The following PTPRG variants were observed in gnomAD, a reference collection of about 807,000 sequenced individuals.
The protein encoded by PTPRG is receptor-type tyrosine-protein phosphatase gamma.
Under a neutral mutation model 165.3 loss-of-function variants are expected in PTPRG, and 102 were observed. The ratio of observed to expected loss-of-function variants is 0.62; its 90% CI spans 0.53 to 0.73. The LOEUF is 0.73. Ranked by LOEUF, PTPRG falls within the 30% of genes least tolerant of loss-of-function variation. The probability of loss-of-function intolerance (pLI) is 0.00; values close to 1 mark genes in which losing one functional copy is unlikely to be tolerated. For missense variants in PTPRG, 1,866 were observed against 1,861.4 expected, an observed-to-expected ratio of 1.00 and a Z score of -0.05; for synonymous variants, 675 against 669.5, an observed-to-expected ratio of 1.01 and a Z score of -0.13.
At chr3:61,691,313 A>G (rs1266281478) in intron 1 of PTPRG, among the ~76,000 whole-genome samples, 1 of 152,166 alleles carries the variant, frequency 6.6e-6, no homozygotes, top group Non-Finnish European at 1.5e-5. Flanking sequence ...AGGCTGATAC[A>G]AGAGGATCGC....
At chr3:61,986,115 CAATCATCATATTTAATATGATTG>C (rs1208901751) in intron 2 of PTPRG, among the ~76,000 whole-genome samples, 1 of 151,812 alleles carries the variant, frequency 6.6e-6, no homozygotes, top group Non-Finnish European at 1.5e-5. Flanking sequence ...TTTAATACGA[CAATCATCATATTTAATATGATTG>C]AATCATCATA....
At chr3:61,805,699 C>G (rs1003123862) in intron 2 of PTPRG, among the ~76,000 whole-genome samples, 6 of 152,142 alleles carry the variant, frequency 3.9e-5, no homozygotes, top group African/African-American at 1.4e-4. Context: ...AGCCACCCCA[C>G]TGGGATGTAT....
chr3:61,577,678 C>T (rs755488791), intron 1 of PTPRG, among the ~76,000 whole-genome samples: 4 of 152,108 alleles, frequency 2.6e-5, no homozygotes, highest in African/African-American at 9.7e-5. Context: ...ATTTGTAGCT[C>T]GCATTGTATT....
chr3:62,242,709 G>C (rs1160397878), intron 14 of PTPRG, among the ~76,000 whole-genome samples: 1 of 152,172 alleles, frequency 6.6e-6, no homozygotes, highest in Non-Finnish European at 1.5e-5. Flanking sequence ...CATAGAAACA[G>C]GGTATGCCCA....
At chr3:62,155,350 T>C (rs1268326179) in intron 6 of PTPRG, among the ~76,000 whole-genome samples, 1 of 152,146 alleles carries the variant, frequency 6.6e-6, no homozygotes, top group East Asian at 1.9e-4. Flanking sequence ...ATCTGTAAAA[T>C]GAGTATTAGA....
intron 1 of PTPRG, among the ~76,000 whole-genome samples, chr3:61,716,383 AAAG>A (rs1235430521): frequency 6.6e-6 from 1 of 152,202 alleles, no homozygotes. Context: ...TTCTTATTAC[AAAG>A]CAAAGACAAA....
chr3:61,671,352 T>C (rs889048420), intron 1 of PTPRG, among the ~76,000 whole-genome samples: 7 of 151,800 alleles, frequency 4.6e-5, no homozygotes, highest in African/African-American at 1.7e-4. Context: ...GTAAGGAGCA[T>C]GCTGCCTTCA....
At chr3:62,038,182 A>T (rs1700011422) in intron 4 of PTPRG, among the ~76,000 whole-genome samples, 1 of 152,176 alleles carries the variant, frequency 6.6e-6, no homozygotes, top group East Asian at 1.9e-4. Flanking sequence ...AATTAAATGA[A>T]ATGATTGATC....
chr3:62,135,977 G>A (rs962367797), intron 6 of PTPRG, among the ~76,000 whole-genome samples: 7 of 152,128 alleles, frequency 4.6e-5, no homozygotes, highest in African/African-American at 1.2e-4. Flanking sequence ...GATTGTAGAC[G>A]CTGGGCAGAT....
At chr3:61,653,221 A>C (rs1007080042) in intron 1 of PTPRG, among the ~76,000 whole-genome samples, 1 of 152,192 alleles carries the variant, frequency 6.6e-6, no homozygotes, top group African/African-American at 2.4e-5. Context: ...CGTATTGTAC[A>C]TATAGGGTTA....
rs2032827591 is a variant in PTPRG at position 61,738,307 on chromosome 3, T to TATATATATAC, written c.86-10566_86-10565insTATACATATA. The stretch of plus-strand genomic sequence containing the variant: ...ATATATATATATATATATATATATA[T>TATATATATAC]ATATACATATATATATATATATATA... On this transcript the variant is annotated intron_variant, in intron 1 of 29. Transcript: ENST00000474889. Among the ~76,000 whole-genome samples, 3 of 88,926 alleles carry TATATATATAC rather than the reference T, an allele frequency of 3.4e-5. No individual in the cohort carries two copies. In the East Asian group the frequency reaches 9.9e-4, roughly 29 times the overall value. 58.3% of individuals were successfully genotyped at this position (88,926 alleles called of 152,430 possible).
intron 1 of PTPRG, among the ~76,000 whole-genome samples, chr3:61,597,727 G>C (rs1462700574): frequency 6.6e-6 from 1 of 152,116 alleles, no homozygotes; most frequent in African/African-American, 2.4e-5. Flanking sequence ...TGAAGACCCT[G>C]TATTTCTTTG....
chr3:61,606,751 T>C (rs1701019988), intron 1 of PTPRG, among the ~76,000 whole-genome samples: 1 of 152,204 alleles, frequency 6.6e-6, no homozygotes, highest in Admixed American at 6.5e-5. Context: ...GCAGCTTTCC[T>C]GGAGGCGCTG....
intron 1 of PTPRG, among the ~76,000 whole-genome samples, chr3:61,665,561 A>G (rs893770723): frequency 6.6e-6 from 1 of 151,770 alleles, no homozygotes; most frequent in African/African-American, 2.4e-5. Context: ...AAAAGGGTTC[A>G]TGCTTGTAAT....
chr3:61,893,085 C>T (rs929471866), intron 2 of PTPRG, among the ~76,000 whole-genome samples: 4 of 152,096 alleles, frequency 2.6e-5, no homozygotes, highest in African/African-American at 9.7e-5. Context: ...TCATTATCGT[C>T]GACTGCTGAT....
At chr3:61,978,795 C>T (rs373989679) in intron 2 of PTPRG, among the ~76,000 whole-genome samples, 5 of 152,118 alleles carry the variant, frequency 3.3e-5, no homozygotes, top group South Asian at 2.1e-4. Flanking sequence ...TATGAATGAA[C>T]GGATATGACC....
chr3:62,157,852 A>G (rs186232786), intron 7 of PTPRG, among the ~76,000 whole-genome samples: 29 of 152,338 alleles, frequency 1.9e-4, no homozygotes, highest in African/African-American at 6.5e-4. Context: ...TCTGTGTGCT[A>G]TGTACTTTAC....
At chr3:62,292,782 A>G (rs1269977342) in intron 29 of PTPRG, 2 of 524,412 alleles carry the variant, frequency 3.8e-6, no homozygotes, top group African/African-American at 1.9e-5. Context: ...CCTCAACACC[A>G]TAGAATTATG....
intron 2 of PTPRG, among the ~76,000 whole-genome samples, chr3:61,890,234 T>C (rs984426792): frequency 1.3e-5 from 2 of 152,146 alleles, no homozygotes; most frequent in African/African-American, 4.8e-5. Flanking sequence ...TAAGGTTAAC[T>C]GAATGGCCAG....
Sources: gnomAD v4.1 joint callset for allele counts (sites outside exome capture counted in the v4.1 genomes callset) on GRCh38, gnomAD v4.1.1 for gene constraint, MANE v1.5 for transcripts, NCBI Gene and HGNC (gene_info 2026-07-23, HGNC 2026-07-21) for gene names.